CC2D2A: variants seen among roughly 807,000 people sequenced by gnomAD.
CC2D2A encodes the protein coiled-coil and C2 domain-containing protein 2A.
CC2D2A carries 155 observed loss-of-function variants against 212.9 expected under a neutral mutation model. That is an observed-to-expected ratio of 0.73 (90% CI 0.64 to 0.83). The LOEUF is 0.83. Ranked by LOEUF, CC2D2A falls within the 40% of genes least tolerant of loss-of-function variation. The probability of loss-of-function intolerance (pLI) is 0.00; values close to 1 mark genes in which losing one functional copy is unlikely to be tolerated. For missense variants in CC2D2A, 1,856 were observed against 1,956.2 expected, an observed-to-expected ratio of 0.95 and a Z score of 0.97; for synonymous variants, 667 against 686.5, an observed-to-expected ratio of 0.97 and a Z score of 0.44.
At chr4:15,470,699 ATAT>A (rs1713741341) in intron 1 of CC2D2A, among the ~76,000 whole-genome samples, 2 of 39,210 alleles carry the variant, frequency 5.1e-5, no homozygotes, top group African/African-American at 2.0e-4. Context: ...CTATATATAT[ATAT>A]ATATATATAT....
chr4:15,552,493 A>G (rs1295667588), intron 18 of CC2D2A, among the ~76,000 whole-genome samples: 2 of 152,134 alleles, frequency 1.3e-5, no homozygotes, highest in Non-Finnish European at 2.9e-5. Flanking sequence ...CAAATTTTCT[A>G]TATACCTTCC....
intron 11 of CC2D2A, among the ~76,000 whole-genome samples, chr4:15,522,814 AG>A (rs1340360848): frequency 2.0e-5 from 3 of 152,202 alleles, no homozygotes; most frequent in African/African-American, 7.2e-5. Context: ...ATAGCAAAGT[AG>A]GGTTAAAGTT....
chr4:15,513,284 G>T (rs1488178410), intron 8 of CC2D2A, among the ~76,000 whole-genome samples: 1 of 152,222 alleles, frequency 6.6e-6, no homozygotes, highest in Non-Finnish European at 1.5e-5. Flanking sequence ...AGAAGCCACA[G>T]TTCCTTTTAT....
rs58817672 is a variant in CC2D2A at position 15,583,765 on chromosome 4, T to C, written c.3976-2392T>C. ...GAGATCTAGACCATCCTGGCTAATA[T>C]GGTGTAACCCCGTCTCTACTAAAAA... On this transcript the variant is annotated intron_variant, in intron 30 of 36. Coordinates refer to ENST00000424120, the MANE Select transcript of CC2D2A (RefSeq NM_001378615.1). Among the ~76,000 whole-genome samples the C allele has an allele frequency of 1.6e-4, 24 of 152,038 alleles. No homozygotes were observed. The East Asian group carries it at 2.3e-3, about 15-fold the overall frequency.
At chr4:15,544,119 C>A (rs1718594343) in intron 17 of CC2D2A, among the ~76,000 whole-genome samples, 1 of 152,140 alleles carries the variant, frequency 6.6e-6, no homozygotes, top group Admixed American at 6.5e-5. Context: ...GTCTGCCGTG[C>A]CCCTGAACAC....
intron 29 of CC2D2A, among the ~76,000 whole-genome samples, chr4:15,577,976 T>C (rs1720485507): frequency 6.6e-6 from 1 of 152,244 alleles, no homozygotes; most frequent in Non-Finnish European, 1.5e-5. Context: ...TGAAATAGTT[T>C]AGAGGAACAC....
At chr4:15,485,152 T>G (rs562819003) in intron 4 of CC2D2A, among the ~76,000 whole-genome samples, 1 of 152,364 alleles carries the variant, frequency 6.6e-6, no homozygotes, top group South Asian at 2.1e-4. Context: ...GGGTCCTGCC[T>G]CTGGTAACCA....
chr4:15,597,494 A>C (rs1721371172), intron 35 of CC2D2A, 29 bp downstream of exon 35: 11 of 1,523,426 alleles, frequency 7.2e-6, no homozygotes, highest in Non-Finnish European at 9.8e-6. Context: ...ATCCACATGT[A>C]ATCTGTCACT....
chr4:15,501,326 T>C (rs80063920), intron 4 of CC2D2A, among the ~76,000 whole-genome samples: 1,753 of 152,244 alleles, frequency 0.012, 25 homozygotes, highest in Non-Finnish European at 0.014. Flanking sequence ...CCCCCTTTCC[T>C]TCCTATCTCA....
chr4:15,523,079 A>G (rs958881562), intron 11 of CC2D2A, among the ~76,000 whole-genome samples: 1 of 151,302 alleles, frequency 6.6e-6, no homozygotes, highest in Non-Finnish European at 1.5e-5. Flanking sequence ...ATGCCATTGC[A>G]CTCTAACCTG....
intron 30 of CC2D2A, 59 bp from the exon 31 acceptor site, chr4:15,586,098 G>C (rs556350921): frequency 5.0e-5 from 57 of 1,132,478 alleles, no homozygotes; most frequent in Non-Finnish European, 7.5e-5. Context: ...ATGAGGTAGG[G>C]GATGCAGCAT....
chr4:15,506,582 C>T (rs745547503), intron 6 of CC2D2A, among the ~76,000 whole-genome samples: 4 of 152,132 alleles, frequency 2.6e-5, no homozygotes, highest in East Asian at 3.9e-4. Flanking sequence ...GTTGACTTCT[C>T]GGTTTGTTTT....
At chr4:15,565,809 A>C (rs1194268389) in intron 24 of CC2D2A, among the ~76,000 whole-genome samples, 2 of 152,018 alleles carry the variant, frequency 1.3e-5, no homozygotes, top group Non-Finnish European at 2.9e-5. Context: ...ATGGGGTCTC[A>C]TTCTGTTGAC....
chr4:15,536,708 T>A (rs1266741467), intron 14 of CC2D2A, among the ~76,000 whole-genome samples: 1 of 152,154 alleles, frequency 6.6e-6, no homozygotes, highest in Admixed American at 6.5e-5. Context: ...TGTGTGTTCT[T>A]GGGAACTTAC....
chr4:15,601,378 GTT>G lies in CC2D2A; in HGVS notation c.4819_4820del (p.Leu1607ValfsTer29), dbSNP rs1305782805. 1.3e-6 allele frequency: 2 copies of G among 1,576,698 alleles called. No homozygotes were observed. The highest frequency in any genetic ancestry group is 1.8e-5 in the Admixed American group (1 of 56,004). ...AVYIHPYPKNVLSVWIYVASL... is the reference protein window; with the variant it reads ...AVYIHPYPKNXLSVWIYVASL... The stretch of plus-strand genomic sequence containing the variant: ...ATACATACACCCATACCCCAAAAAT[GTT>G]TTGTCTGTTTGGATCTATGTTGCCT... On this transcript the variant is annotated frameshift_variant, in exon 37 of 37. Coordinates refer to ENST00000424120, the MANE Select transcript of CC2D2A (RefSeq NM_001378615.1). LOFTEE classifies it high-confidence loss of function.
intron 17 of CC2D2A, chr4:15,543,522 C>T (rs1200467614): frequency 6.6e-6 from 1 of 152,112 alleles, no homozygotes; most frequent in East Asian, 1.9e-4. Context: ...TTACTTCTTC[C>T]TTGATTTATA....
chr4:15,534,086 A>G, intron 14 of CC2D2A, among the ~76,000 whole-genome samples: 1 of 152,090 alleles, frequency 6.6e-6, no homozygotes, highest in African/African-American at 2.4e-5. Context: ...GAAGGTGAGC[A>G]TTTTTTCATA....
chr4:15,500,097 G>GTATA (rs1487111003), intron 4 of CC2D2A, among the ~76,000 whole-genome samples: 11 of 53,020 alleles, frequency 2.1e-4, no homozygotes, highest in Non-Finnish European at 1.0e-4. Flanking sequence ...GTGTGTGTGT[G>GTATA]TGTGTGTGTG....
At position 15,596,068 on chromosome 4, in the gene CC2D2A, A is replaced by C; in HGVS notation, c.4315-17A>C. ...TACATGCTAACATATATGCTAATGT[A>C]GTCTTGTCTTTCTTAGATTTGGTTT... On this transcript the variant is annotated splice_polypyrimidine_tract_variant and intron_variant, in intron 33 of 36. Transcript: ENST00000424120. 1 of 1,533,440 alleles carries C rather than the reference A, an allele frequency of 6.5e-7. No individual in the cohort carries two copies. The highest frequency in any genetic ancestry group is 1.4e-5 in the African/African-American group (1 of 72,502). 95.0% of individuals were successfully genotyped at this position (1,533,440 alleles called of 1,614,324 possible). A position where few individuals can be genotyped will look rare whatever the true frequency, so the allele number is the denominator to read the frequency against.
Sources: gnomAD v4.1 joint callset for allele counts (sites outside exome capture counted in the v4.1 genomes callset) on GRCh38, gnomAD v4.1.1 for gene constraint, MANE v1.5 for transcripts, NCBI Gene and HGNC (gene_info 2026-07-23, HGNC 2026-07-21) for gene names.